The following BRAF variants were observed in gnomAD, a reference collection of about 807,000 sequenced individuals.
BRAF encodes B-Raf proto-oncogene, serine/threonine kinase.
BRAF carries 16 observed loss-of-function variants against 104.6 expected under a neutral mutation model. The ratio of observed to expected loss-of-function variants is 0.15; its 90% confidence interval spans 0.10 to 0.23. BRAF has a LOEUF of 0.23. Ranked by LOEUF, BRAF falls within the 10% of genes least tolerant of loss-of-function variation. The pLI is 1.00. For synonymous variants in BRAF, 310 were observed against 341.6 expected (o/e 0.91, Z 1.02); for missense variants, 541 against 937.3 (o/e 0.58, Z 5.52).
chr7:140,722,347 A>T lies in BRAF; in HGVS notation c.*4147T>A, dbSNP rs1795362789. 9.5e-7 allele frequency: 1 copy of T among 1,055,110 alleles called. No homozygotes were observed. The highest frequency in any genetic ancestry group is 1.6e-5 in the African/African-American group (1 of 60,678). 65.4% of individuals were successfully genotyped at this position (1,055,110 alleles called of 1,614,324 possible). On this transcript the variant is annotated 3_prime_UTR_variant, in exon 20 of 20. Coordinates refer to ENST00000644969, the MANE Select transcript of BRAF (RefSeq NM_001374258.1). ...ATTGCACTCTAAAAATTATTAACAC[A>T]GCTGAGTTAAACCAGAGTGGCTGCT...
At chr7:140,892,800 G>A (rs1814398476) in intron 1 of BRAF, among the ~76,000 whole-genome samples, 2 of 152,036 alleles carry the variant, frequency 1.3e-5, no homozygotes, top group Non-Finnish European at 2.9e-5. Context: ...ATGATCCAGG[G>A]AACAAAACAA....
chr7:140,818,059 T>C (rs995531133), intron 3 of BRAF, among the ~76,000 whole-genome samples: 4 of 151,944 alleles, frequency 2.6e-5, no homozygotes, highest in African/African-American at 7.2e-5. Flanking sequence ...CATTGGCTTA[T>C]GGCTACACAT....
intron 15 of BRAF, 157 bp from the exon 15 acceptor site, chr7:140,753,550 T>G: frequency 1.7e-6 from 1 of 572,812 alleles, no homozygotes; most frequent in Non-Finnish European, 3.1e-6. Context: ...TCAATAAGTA[T>G]GTCTAAAACA....
intron 1 of BRAF, among the ~76,000 whole-genome samples, chr7:140,878,396 A>G (rs1026743633): frequency 6.6e-6 from 1 of 152,188 alleles, no homozygotes; most frequent in Non-Finnish European, 1.5e-5. Flanking sequence ...AGTACGAGCA[A>G]CAAAAAAAAA....
chr7:140,779,607 G>A (rs1484216323), intron 12 of BRAF, among the ~76,000 whole-genome samples: 1 of 152,130 alleles, frequency 6.6e-6, no homozygotes, highest in Non-Finnish European at 1.5e-5. Flanking sequence ...TTTGGATTTT[G>A]GAGCATTTCG....
In BRAF at chr7:140,794,431, G is replaced by C. The variant is rs746084400; in HGVS notation, c.1017C>G (p.Ser339=). ...QILTSPSPSK[S]IPIPQPFRPA... is the part of the protein sequence containing the mutation. ...GTCGGAAGGGCTGTGGAATTGGAAT[G>C]GATTTTGAAGGAGACGGACTGGTGA... Residue 339 remains serine (S), a synonymous_variant, in exon 8 of 20, where the codon TCC becomes TCG. Transcript: ENST00000644969. The C allele has an allele frequency of 6.2e-7, 1 of 1,613,988 alleles. No individual in the cohort carries two copies. The highest frequency in any genetic ancestry group is 1.7e-5 in the Admixed American group (1 of 60,006).
intron 3 of BRAF, among the ~76,000 whole-genome samples, chr7:140,825,844 A>G (rs1318427597): frequency 6.6e-6 from 1 of 152,092 alleles, no homozygotes; most frequent in East Asian, 1.9e-4. Flanking sequence ...CTTTTAAAAC[A>G]ATATTCTTTG....
At chr7:140,876,712 C>T (rs1030316746) in intron 1 of BRAF, among the ~76,000 whole-genome samples, 7 of 152,238 alleles carry the variant, frequency 4.6e-5, no homozygotes, top group African/African-American at 1.7e-4. Flanking sequence ...TATTTGATGA[C>T]TTCAGCACTC....
chr7:140,826,217 C>T (rs1178370197), intron 3 of BRAF, among the ~76,000 whole-genome samples: 1 of 152,162 alleles, frequency 6.6e-6, no homozygotes, highest in African/African-American at 2.4e-5. Flanking sequence ...CTGTAACTAA[C>T]TTGACATACT....
Position 140,721,924 on chromosome 7 carries a change from A to G in BRAF, c.*4570T>C. On this transcript the variant is annotated 3_prime_UTR_variant, in exon 20 of 20. Transcript: ENST00000644969. ...TCCCGGGAAGAAATTTACATTTCAA[A>G]CTCTGAAAAATCAGTGTCTAGGTTG... The G allele has an allele frequency of 7.1e-6, 9 of 1,262,508 alleles. No individual in the cohort carries two copies. The highest frequency in any genetic ancestry group is 8.9e-6 in the Non-Finnish European group (9 of 1,006,376). 78.2% of individuals were successfully genotyped at this position (1,262,508 alleles called of 1,614,324 possible).
At chr7:140,739,764 C>A (rs751336763) in intron 18 of BRAF, 48 bp downstream of exon 17, 1 of 1,608,218 alleles carries the variant, frequency 6.2e-7, no homozygotes, top group South Asian at 1.1e-5. Context: ...AGAAATCTGT[C>A]TATGAATGTT....
intron 1 of BRAF, among the ~76,000 whole-genome samples, chr7:140,853,603 T>C (rs1270926863): frequency 6.6e-6 from 1 of 152,190 alleles, no homozygotes; most frequent in Non-Finnish European, 1.5e-5. Flanking sequence ...CTGCCTGGAA[T>C]GCTCTTCCCC....
intron 3 of BRAF, among the ~76,000 whole-genome samples, chr7:140,814,803 T>A (rs577004094): frequency 2.1e-5 from 3 of 146,188 alleles, no homozygotes; most frequent in Non-Finnish European, 3.0e-5. Context: ...ATATATATAT[T>A]ATATATAACA....
chr7:140,790,407 T>C (rs73165464), intron 8 of BRAF, among the ~76,000 whole-genome samples: 16,080 of 152,264 alleles, frequency 0.11, 953 homozygotes, highest in Admixed American at 0.14. Flanking sequence ...CCCACTCTTT[T>C]GTAGTTCCTT....
At chr7:140,891,740 T>A (rs1343396074) in intron 1 of BRAF, among the ~76,000 whole-genome samples, 1 of 151,312 alleles carries the variant, frequency 6.6e-6, no homozygotes, top group Non-Finnish European at 1.5e-5. Flanking sequence ...AGGGTAAGTA[T>A]CACCTCAGAA....
intron 8 of BRAF, 131 bp downstream of exon 8, chr7:140,794,177 G>A (rs565619894): frequency 1.6e-4 from 176 of 1,107,958 alleles, no homozygotes; most frequent in Admixed American, 2.6e-4. Flanking sequence ...TGATTCACAA[G>A]AAGCTTATCA....
intron 1 of BRAF, among the ~76,000 whole-genome samples, chr7:140,893,584 T>C (rs1162845879): frequency 2.0e-5 from 3 of 151,738 alleles, no homozygotes; most frequent in South Asian, 4.2e-4. Context: ...CAGGCTCAAA[T>C]AGAAGTACTC....
intron 14 of BRAF, among the ~76,000 whole-genome samples, chr7:140,775,669 T>A (rs908632833): frequency 1.3e-5 from 2 of 152,176 alleles, no homozygotes; most frequent in Non-Finnish European, 2.9e-5. Context: ...GCCTTTAGAT[T>A]CGAACAGATT....
intron 14 of BRAF, among the ~76,000 whole-genome samples, chr7:140,755,220 G>C (rs562524802): frequency 6.6e-6 from 1 of 152,224 alleles, no homozygotes; most frequent in Non-Finnish European, 1.5e-5. Context: ...CATGTCTACT[G>C]AATCAACTAC....
Sources: allele counts gnomAD v4.1 joint callset (sites outside exome capture counted in the v4.1 genomes callset), GRCh38; gene constraint gnomAD v4.1.1; transcripts MANE v1.5; gene names NCBI Gene and HGNC (gene_info 2026-07-23, HGNC 2026-07-21).